Variants in ARL6IP1 observed in about 807,000 individuals in gnomAD.
ARL6IP1 encodes the protein ARL6 interacting reticulophagy regulator 1.
Under a neutral mutation model 30.1 loss-of-function variants are expected in ARL6IP1, and 16 were observed. That is an observed-to-expected ratio of 0.53 (90% confidence interval 0.36 to 0.81). The LOEUF (loss-of-function observed/expected upper bound fraction) is 0.81, where lower values mean the gene tolerates loss of function less well. Among genes scored for constraint, ARL6IP1 ranks in the 30% least tolerant of loss-of-function variants. The pLI, the probability that ARL6IP1 is intolerant of heterozygous loss-of-function variation, is 0.01. For missense variants in ARL6IP1, 173 were observed against 242.7 expected, an observed-to-expected ratio of 0.71 and a Z score of 1.91; for synonymous variants, 72 against 84.8, an observed-to-expected ratio of 0.85 and a Z score of 0.83.
At chr16:18,799,634 T>A (rs2030349459) in intron 1 of ARL6IP1, among the ~76,000 whole-genome samples, 1 of 152,238 alleles carries the variant, frequency 6.6e-6, no homozygotes, top group Non-Finnish European at 1.5e-5. Context: ...AGCATTCAAT[T>A]TCTAAAATAG....
Position 18,792,575 on chromosome 16 carries a change from TA to T in ARL6IP1, c.*676del, listed in dbSNP as rs891580085. On this transcript the variant is annotated 3_prime_UTR_variant, in exon 6 of 6. Coordinates refer to ENST00000304414, the MANE Select transcript of ARL6IP1 (RefSeq NM_015161.3). The stretch of plus-strand genomic sequence containing the variant: ...TTTAAGGATTTACTAACTTCGAGTC[TA>T]AGTGCAAGGGGACGAAAGCTTAAGC... 9.2e-5 allele frequency: 14 copies of T among 152,544 alleles called. No homozygotes were observed. The highest frequency in any genetic ancestry group is 3.4e-4 in the African/African-American group (14 of 41,466). 9.4% of individuals were successfully genotyped at this position (152,544 alleles called of 1,614,324 possible). A position where few individuals can be genotyped will look rare whatever the true frequency, so the allele number is the denominator to read the frequency against.
chr16:18,801,138 C>A lies in ARL6IP1; in HGVS notation c.36+293G>T, dbSNP rs1246303185. On this transcript the variant is annotated intron_variant, in intron 1 of 5. Coordinates refer to ENST00000304414, the MANE Select transcript of ARL6IP1 (RefSeq NM_015161.3). The stretch of plus-strand genomic sequence containing the variant: ...CAGGCCCCAGGAGGCCTTCTGCCCC[C>A]ACCCGCACCCCAGGCTAGTGTCGCA... 6 of 1,336,206 alleles carry A rather than the reference C, an allele frequency of 4.5e-6. No individual in the cohort carries two copies. In the Admixed American group the frequency reaches 1.3e-4, roughly 29 times the overall value. 82.8% of individuals were successfully genotyped at this position (1,336,206 alleles called of 1,614,324 possible). A position where few individuals can be genotyped will look rare whatever the true frequency, so the allele number is the denominator to read the frequency against.
At chr16:18,795,946 C>T (rs1162672589) in intron 3 of ARL6IP1, among the ~76,000 whole-genome samples, 1 of 152,140 alleles carries the variant, frequency 6.6e-6, no homozygotes, top group Non-Finnish European at 1.5e-5. Flanking sequence ...TTCTTTAGAT[C>T]CTAGTAAATG....
At chr16:18,799,410 T>C (rs1039670761) in intron 1 of ARL6IP1, among the ~76,000 whole-genome samples, 2 of 152,264 alleles carry the variant, frequency 1.3e-5, no homozygotes, top group Non-Finnish European at 2.9e-5. Flanking sequence ...AAGGTAGGGA[T>C]AATTAGACTC....
At chr16:18,796,424 C>G (rs924930134) in intron 3 of ARL6IP1, among the ~76,000 whole-genome samples, 1 of 152,170 alleles carries the variant, frequency 6.6e-6, no homozygotes, top group Admixed American at 6.5e-5. Flanking sequence ...TGCCCATGGT[C>G]AAGGCTAGAT....
intron 3 of ARL6IP1, 56 bp downstream of exon 3, chr16:18,797,869 C>A (rs1365702847): frequency 1.3e-6 from 2 of 1,581,946 alleles, no homozygotes; most frequent in Admixed American, 1.9e-5. Context: ...CTAATCACAG[C>A]CACCAAGTTC....
At chr16:18,798,912 A>C (rs950532909) in intron 1 of ARL6IP1, 78 bp from the exon 2 acceptor site, 15 of 1,415,750 alleles carry the variant, frequency 1.1e-5, no homozygotes, top group African/African-American at 1.4e-5. Flanking sequence ...AATTATTTTA[A>C]AGCTCCAAAT....
chr16:18,793,920 G>C (rs1355137771), intron 5 of ARL6IP1, among the ~76,000 whole-genome samples: 1 of 152,082 alleles, frequency 6.6e-6, no homozygotes, highest in Non-Finnish European at 1.5e-5. Flanking sequence ...TCGCAATGTT[G>C]GCCAGGCGGT....
chr16:18,794,819 A>C, intron 4 of ARL6IP1, 136 bp from the exon 5 acceptor site: 1 of 567,312 alleles, frequency 1.8e-6, no homozygotes, highest in Non-Finnish European at 3.0e-6. Context: ...ACTTTTCTTT[A>C]AAAATTCTTA....
intron 2 of ARL6IP1, chr16:18,798,449 A>C (rs1162954951): frequency 7.2e-6 from 3 of 419,262 alleles, no homozygotes; most frequent in African/African-American, 6.1e-5. Flanking sequence ...ATAATAACAA[A>C]AAAAGAGTTT....
At chr16:18,801,066 C>T in intron 1 of ARL6IP1, 1 of 675,374 alleles carries the variant, frequency 1.5e-6, no homozygotes, top group Non-Finnish European at 2.0e-6. Flanking sequence ...AGATCAAAGA[C>T]GGGGAAAGCC....
intron 5 of ARL6IP1, 87 bp from the exon 6 acceptor site, chr16:18,793,457 G>C (rs367583246): frequency 6.4e-5 from 49 of 765,360 alleles, no homozygotes; most frequent in Middle Eastern, 8.3e-4. Context: ...TTGAGACAAA[G>C]TTTCACTTTT....
rs146819027 is a variant in ARL6IP1, at chr16:18,793,251, A to C, written c.*1T>G. 3.1e-6 allele frequency: 5 copies of C among 1,595,116 alleles called. No individual in the cohort carries two copies. Among genetic ancestry groups the C allele is most frequent in the Non-Finnish European group, 4.3e-6 (5 of 1,165,104 alleles). ...TAATCACACTGATTAAAGCAGATGA[A>C]TCATTCGTTTTTCTTTTCTTTTTGT... On this transcript the variant is annotated 3_prime_UTR_variant, in exon 6 of 6. Coordinates refer to ENST00000304414, the MANE Select transcript of ARL6IP1 (RefSeq NM_015161.3).
Position 18,793,025 on chromosome 16 carries a change from A to G in ARL6IP1, c.*227T>C. 2 of 376,354 alleles carry G rather than the reference A, an allele frequency of 5.3e-6. No homozygotes were observed. The highest frequency in any genetic ancestry group is 9.6e-6 in the Non-Finnish European group (2 of 209,272). The allele number at this position is 376,354 out of a possible 1,614,324, so 23.3% of individuals were successfully genotyped here. On this transcript the variant is annotated 3_prime_UTR_variant, in exon 6 of 6. Transcript: ENST00000304414. ...GCTGGGTAAGAAAAGTCAAAACACT[A>G]ATGAGTTGTCCATGAAGCCAACTGC...
At chr16:18,798,889 G>A in intron 1 of ARL6IP1, 55 bp from the exon 2 acceptor site, 1 of 1,498,246 alleles carries the variant, frequency 6.7e-7, no homozygotes, top group Admixed American at 2.1e-5. Context: ...CATTTTTGTG[G>A]TTCATAGACT....
At chr16:18,798,184 G>A in intron 2 of ARL6IP1, 140 bp from the exon 3 acceptor site, 1 of 770,910 alleles carries the variant, frequency 1.3e-6, no homozygotes, top group Non-Finnish European at 2.0e-6. Flanking sequence ...CTCACAAGTG[G>A]CTTTCCAGAG....
At position 18,801,500 on chromosome 16, in the gene ARL6IP1, C is replaced by A; in HGVS notation, c.-34G>T. 1.2e-6 allele frequency: 2 copies of A among 1,608,374 alleles called. No homozygotes were observed. The highest frequency in any genetic ancestry group is 1.7e-6 in the Non-Finnish European group (2 of 1,178,036). On this transcript the variant is annotated 5_prime_UTR_variant, in exon 1 of 6. Coordinates refer to ENST00000304414, the MANE Select transcript of ARL6IP1 (RefSeq NM_015161.3). ...GGATGCAGTCTCTACAAGCGCAGGC[C>A]ACCTCCCCAACGAGTCCTCCAACCG...
intron 2 of ARL6IP1, 59 bp downstream of exon 2, chr16:18,798,642 T>C: frequency 6.4e-7 from 1 of 1,559,672 alleles, no homozygotes; most frequent in Non-Finnish European, 8.7e-7. Context: ...AGAAGCTATA[T>C]ATTAAAAAGT....
At chr16:18,793,994 G>T (rs72775689) in intron 5 of ARL6IP1, among the ~76,000 whole-genome samples, 42,964 of 151,834 alleles carry the variant, frequency 0.28, 7,199 homozygotes, top group Non-Finnish European at 0.37. Flanking sequence ...TGGGTGGGGG[G>T]GGTGGTGAGT....
Sources: gnomAD v4.1 joint callset for allele counts (sites outside exome capture counted in the v4.1 genomes callset) on GRCh38, gnomAD v4.1.1 for gene constraint, MANE v1.5 for transcripts, NCBI Gene and HGNC (gene_info 2026-07-23, HGNC 2026-07-21) for gene names.